SEMA6D: variants seen among roughly 807,000 people sequenced by gnomAD.
SEMA6D encodes semaphorin-6D.
In SEMA6D, 35 loss-of-function variants were observed where a neutral mutation model predicts 106.6. The ratio of observed to expected loss-of-function variants is 0.33; its 90% CI spans 0.25 to 0.44. The LOEUF (loss-of-function observed/expected upper bound fraction) is 0.44, where lower values mean the gene tolerates loss of function less well. SEMA6D is among the 20% of genes least tolerant of loss of function. The pLI, the probability that SEMA6D is intolerant of heterozygous loss-of-function variation, is 1.00. For synonymous variants in SEMA6D, 499 were observed against 487.7 expected, an observed-to-expected ratio of 1.02 and a Z score of -0.31; for missense variants, 1,185 against 1,345.9, an observed-to-expected ratio of 0.88 and a Z score of 1.87.
At chr15:47,660,024 T>C (rs149385357) in intron 4 of SEMA6D, among the ~76,000 whole-genome samples, 16 of 152,140 alleles carry the variant, frequency 1.1e-4, no homozygotes, top group Admixed American at 2.0e-4. Flanking sequence ...TTTAATCTCA[T>C]AGGACTCCAT....
intron 2 of SEMA6D, among the ~76,000 whole-genome samples, chr15:47,443,683 A>G (rs578221967): frequency 5.9e-5 from 9 of 152,306 alleles, no homozygotes; most frequent in African/African-American, 1.7e-4. Flanking sequence ...GCAGTAATCA[A>G]CAACTGGAAT....
chr15:47,520,662 T>C (rs2044544440), intron 3 of SEMA6D, among the ~76,000 whole-genome samples: 1 of 152,224 alleles, frequency 6.6e-6, no homozygotes, highest in African/African-American at 2.4e-5. Flanking sequence ...TGAACACCTG[T>C]ATTCTCAGCC....
At chr15:47,512,045 G>T (rs1198592690) in intron 3 of SEMA6D, among the ~76,000 whole-genome samples, 2 of 152,122 alleles carry the variant, frequency 1.3e-5, no homozygotes, top group African/African-American at 2.4e-5. Context: ...CCTGATTTTA[G>T]GTTGTAATTA....
chr15:47,659,872 C>A (rs901755993), intron 4 of SEMA6D, among the ~76,000 whole-genome samples: 5 of 152,028 alleles, frequency 3.3e-5, no homozygotes, highest in Admixed American at 3.3e-4. Flanking sequence ...TTTGATTATA[C>A]ATATTGGTAA....
intron 2 of SEMA6D, among the ~76,000 whole-genome samples, chr15:47,443,757 A>C (rs1023885473): frequency 3.3e-5 from 5 of 152,158 alleles, no homozygotes; most frequent in African/African-American, 1.2e-4. Flanking sequence ...ATCAATATAC[A>C]GTTACCAAAC....
At chr15:47,317,229 A>G (rs936617050) in intron 1 of SEMA6D, among the ~76,000 whole-genome samples, 16 of 152,000 alleles carry the variant, frequency 1.1e-4, no homozygotes, top group Non-Finnish European at 1.5e-5. Context: ...TATTCTTTTA[A>G]TGTCTTTGGG....
intron 1 of SEMA6D, among the ~76,000 whole-genome samples, chr15:47,330,836 A>G (rs1473404221): frequency 6.6e-6 from 1 of 152,194 alleles, no homozygotes; most frequent in Admixed American, 6.5e-5. Context: ...AGTTCCAGGT[A>G]GACAAGAGTG....
At chr15:47,760,561 T>A in intron 3 of SEMA6D, 146 bp downstream of exon 3, 1 of 642,760 alleles carries the variant, frequency 1.6e-6, no homozygotes, top group East Asian at 2.8e-5. Flanking sequence ...AGAGTCAGTG[T>A]TGTGTACCGG....
intron 3 of SEMA6D, among the ~76,000 whole-genome samples, chr15:47,557,082 A>C (rs542008038): frequency 1.3e-5 from 2 of 152,252 alleles, no homozygotes; most frequent in East Asian, 3.9e-4. Context: ...CAAGAAGTAA[A>C]AGCAGTTATC....
intron 1 of SEMA6D, among the ~76,000 whole-genome samples, chr15:47,264,706 C>T (rs1458234200): frequency 6.6e-6 from 1 of 151,936 alleles, no homozygotes; most frequent in Non-Finnish European, 1.5e-5. Context: ...AGCATCTAGT[C>T]TTTCACCATT....
chr15:47,310,261 A>G (rs1023707634), intron 1 of SEMA6D, among the ~76,000 whole-genome samples: 1 of 152,206 alleles, frequency 6.6e-6, no homozygotes, highest in African/African-American at 2.4e-5. Flanking sequence ...TTTAGAAACC[A>G]TATGCCCCAT....
intron 4 of SEMA6D, among the ~76,000 whole-genome samples, chr15:47,644,385 G>A (rs1051924241): frequency 1.3e-5 from 2 of 152,180 alleles, no homozygotes; most frequent in Non-Finnish European, 2.9e-5. Context: ...TGATAAAATC[G>A]AATTGCCTCA....
chr15:47,361,439 A>G (rs555715392), intron 1 of SEMA6D, among the ~76,000 whole-genome samples: 33 of 152,198 alleles, frequency 2.2e-4, no homozygotes, highest in Non-Finnish European at 4.3e-4. Flanking sequence ...AGCGCTGACA[A>G]TGATTTCTAC....
At chr15:47,379,655 G>A (rs1013880930) in intron 1 of SEMA6D, among the ~76,000 whole-genome samples, 4 of 152,194 alleles carry the variant, frequency 2.6e-5, no homozygotes, top group African/African-American at 7.2e-5. Flanking sequence ...TTTGAAAAAC[G>A]AACATTGGAG....
intron 3 of SEMA6D, among the ~76,000 whole-genome samples, chr15:47,596,361 A>G (rs184981269): frequency 1.2e-4 from 18 of 152,228 alleles, no homozygotes; most frequent in African/African-American, 4.3e-4. Flanking sequence ...TACTACTCAA[A>G]GCAATATATA....
At chr15:47,367,674 T>TCA (rs200328753) in intron 1 of SEMA6D, among the ~76,000 whole-genome samples, 156 of 141,342 alleles carry the variant, frequency 1.1e-3, no homozygotes, top group South Asian at 3.7e-3. Flanking sequence ...ACACGCACGC[T>TCA]CACACGCGCG....
chr15:47,371,425 A>C (rs1284044823), intron 1 of SEMA6D, among the ~76,000 whole-genome samples: 1 of 152,238 alleles, frequency 6.6e-6, no homozygotes, highest in African/African-American at 2.4e-5. Flanking sequence ...TGCTTATGAA[A>C]TATTACATGT....
intron 1 of SEMA6D, among the ~76,000 whole-genome samples, chr15:47,378,506 T>C (rs905677762): frequency 1.3e-5 from 2 of 152,096 alleles, no homozygotes; most frequent in Non-Finnish European, 2.9e-5. Context: ...AAAAATAAAA[T>C]AGAATAAAAT....
intron 4 of SEMA6D, among the ~76,000 whole-genome samples, chr15:47,646,960 CTGTGGTTAAT>C (rs2077592929): frequency 6.6e-6 from 1 of 152,196 alleles, no homozygotes; most frequent in Non-Finnish European, 1.5e-5. Context: ...TCAAGCATAA[CTGTGGTTAAT>C]TGTGCAGCAA....
Sources: allele counts gnomAD v4.1 joint callset (sites outside exome capture counted in the v4.1 genomes callset), GRCh38; gene constraint gnomAD v4.1.1; transcripts MANE v1.5; gene names NCBI Gene and HGNC (gene_info 2026-07-23, HGNC 2026-07-21).